The following PTPN20 variants were observed in gnomAD, a reference collection of about 807,000 sequenced individuals.
PTPN20 encodes tyrosine-protein phosphatase non-receptor type 20.
In PTPN20, 9 loss-of-function variants were observed where a neutral mutation model predicts 35.0. The ratio of observed to expected loss-of-function variants is 0.26; its 90% CI spans 0.15 to 0.45. PTPN20 has a LOEUF of 0.45. PTPN20 is among the 20% of genes least tolerant of loss of function. The probability of loss-of-function intolerance (pLI) is 1.00; values close to 1 mark genes in which losing one functional copy is unlikely to be tolerated. For synonymous variants in PTPN20, 32 were observed against 100.2 expected, an observed-to-expected ratio of 0.32 and a Z score of 4.06; for missense variants, 111 against 312.5, an observed-to-expected ratio of 0.36 and a Z score of 4.86.
At chr10:46,923,787 G>A (rs2036215901) in intron 1 of PTPN20, among the ~76,000 whole-genome samples, 1 of 150,652 alleles carries the variant, frequency 6.6e-6, no homozygotes, top group Admixed American at 6.6e-5. Context: ...GGGAAGAATT[G>A]AGGTCTTAAA....
At position 46,984,389 on chromosome 10, in the gene PTPN20, C is replaced by A; in HGVS notation, c.743C>A (p.Ser248Ter). 1 of 1,611,878 alleles carries A rather than the reference C, an allele frequency of 6.2e-7. No homozygotes were observed. The highest frequency in any genetic ancestry group is 8.5e-7 in the Non-Finnish European group (1 of 1,179,816). ...TGGCAAATGGTGTTGGAAAATAATTCAAATGTTATTGCCATGATAACCAGA... is the reference window on the plus strand; with the variant it reads ...TGGCAAATGGTGTTGGAAAATAATTAAAATGTTATTGCCATGATAACCAGA... The part of the protein sequence containing the change: ...DFWQMVLENN[S>*]NVIAMITREI... Residue 248 changes from serine to a stop codon, truncating the protein, a stop_gained, in exon 8 of 11, where the codon TCA (serine) becomes TAA (stop). Transcript: ENST00000374339. LOFTEE classifies it high-confidence loss of function.
chr10:46,954,588 C>A (rs1427064605), intron 5 of PTPN20, among the ~76,000 whole-genome samples: 10 of 145,182 alleles, frequency 6.9e-5, no homozygotes, highest in South Asian at 2.2e-4. Flanking sequence ...CTTATCTTAA[C>A]TGATCACCTC....
intron 5 of PTPN20, among the ~76,000 whole-genome samples, chr10:46,951,258 GC>G (rs1463145604): frequency 3.9e-5 from 6 of 152,118 alleles, no homozygotes; most frequent in Non-Finnish European, 7.3e-5. Context: ...CTCCCAAAGT[GC>G]TGGGATTACA....
intron 5 of PTPN20, among the ~76,000 whole-genome samples, chr10:46,949,613 T>C (rs1334092620): frequency 4.7e-5 from 7 of 150,248 alleles, no homozygotes; most frequent in Non-Finnish European, 1.0e-4. Flanking sequence ...ACTAGCTTTC[T>C]ATATTTAGGC....
At chr10:46,948,035 A>G (rs2045520313) in intron 5 of PTPN20, 28 of 421,462 alleles carry the variant, frequency 6.6e-5, no homozygotes, top group South Asian at 4.9e-4. Flanking sequence ...TACTAACATT[A>G]TTTGTTGCTT....
At chr10:47,003,355 A>G (rs1189855370), downstream of PTPN20, among the ~76,000 whole-genome samples, 4 of 152,100 alleles carry the variant, frequency 2.6e-5, no homozygotes, top group Admixed American at 2.6e-4. Flanking sequence ...GTATTGCTCC[A>G]GAGTTATCTA....
Position 46,931,644 on chromosome 10 carries a change from C to T in PTPN20, c.-123-733C>T, listed in dbSNP as rs541532608. 5.2e-4 allele frequency among the ~76,000 whole-genome samples: 75 copies of T among 143,426 alleles called. 14 individuals carry two copies. The highest frequency in any genetic ancestry group is 2.1e-3 in the African/African-American group (72 of 34,594). 94.1% of individuals were successfully genotyped at this position (143,426 alleles called of 152,430 possible). ...TCAAGCGATCCTCCTGCCTTGGCCT[C>T]CCAAAGTGCTAGGATTGTAGGCATG... On this transcript the variant is annotated intron_variant, in intron 1 of 10. Coordinates refer to ENST00000374339, the MANE Select transcript of PTPN20 (RefSeq NM_001042357.5).
Position 46,968,688 on chromosome 10 carries a change from T to C in PTPN20, c.583+641T>C, listed in dbSNP as rs1459598443. On this transcript the variant is annotated intron_variant, in intron 7 of 10. Transcript: ENST00000374339. ...TCCATAACTCACATTCCTTTCAAAG[T>C]CAAAGTTTTTCAAAACTAAATTTAC... 6.5e-3 allele frequency among the ~76,000 whole-genome samples: 984 copies of C among 151,718 alleles called. 3 individuals are homozygous for C. Among genetic ancestry groups the C allele is most frequent in the Middle Eastern group, 0.031 (9 of 288 alleles).
intron 9 of PTPN20, among the ~76,000 whole-genome samples, chr10:46,999,375 G>C (rs1226241858): frequency 2.6e-5 from 4 of 152,134 alleles, no homozygotes; most frequent in Admixed American, 2.6e-4. Context: ...ATTGCCATAA[G>C]AGTTTCTGAG....
At chr10:46,979,959 T>C (rs2054830192) in intron 7 of PTPN20, among the ~76,000 whole-genome samples, 1 of 151,068 alleles carries the variant, frequency 6.6e-6, no homozygotes, top group African/African-American at 2.4e-5. Context: ...TTCCACAGGA[T>C]ATTACAGAGG....
chr10:46,926,334 G>A (rs2037361123), intron 1 of PTPN20, among the ~76,000 whole-genome samples: 1 of 151,690 alleles, frequency 6.6e-6, no homozygotes. Context: ...TTTATATTAA[G>A]AAGATATTAG....
Position 46,951,587 on chromosome 10 carries a change from T to C in PTPN20, c.340+4912T>C, listed in dbSNP as rs1589514928. On this transcript the variant is annotated intron_variant, in intron 5 of 10. Coordinates refer to ENST00000374339, the MANE Select transcript of PTPN20 (RefSeq NM_001042357.5). ...CAGAATTTTTATTCACTTATTTTGC[T>C]TAGATCACGAATCTATCTGCAGTTT... 6.6e-5 allele frequency among the ~76,000 whole-genome samples: 10 copies of C among 152,234 alleles called. No homozygotes were observed. In the South Asian group the frequency reaches 1.9e-3, roughly 28 times the overall value.
Position 47,001,644 on chromosome 10 carries a change from T to G in PTPN20, c.*903T>G, listed in dbSNP as rs1468302777. On this transcript the variant is annotated 3_prime_UTR_variant, in exon 11 of 11. Transcript: ENST00000374339. Reference sequence around the variant, plus strand: ...CTCATGTTTGATGTATTTTTCAAACTAAGATCTATGATAGTTTTTTTTCCA... The same window carrying G: ...CTCATGTTTGATGTATTTTTCAAACGAAGATCTATGATAGTTTTTTTTCCA... 1.3e-5 allele frequency: 2 copies of G among 152,194 alleles called. No individual in the cohort carries two copies. Among genetic ancestry groups the G allele is most frequent in the African/African-American group, 2.4e-5 (1 of 41,464 alleles). 9.4% of individuals were successfully genotyped at this position (152,194 alleles called of 1,614,324 possible).
chr10:46,992,404 T>A lies in PTPN20; in HGVS notation c.1134+4849T>A, dbSNP rs919697658. On this transcript the variant is annotated intron_variant, in intron 9 of 10. Coordinates refer to ENST00000374339, the MANE Select transcript of PTPN20 (RefSeq NM_001042357.5). Reference sequence around the variant, plus strand: ...TCCCAAAGTGCTGGGATCATAGGCATGAGCCACCACCCCTGGCCCGAAATT... The same window carrying A: ...TCCCAAAGTGCTGGGATCATAGGCAAGAGCCACCACCCCTGGCCCGAAATT... Among the ~76,000 whole-genome samples, 15 of 152,292 alleles carry A rather than the reference T, an allele frequency of 9.8e-5. 1 individual carries two copies. Among genetic ancestry groups the A allele is most frequent in the South Asian group, 2.1e-4 (1 of 4,826 alleles).
chr10:46,945,719 G>C (rs1240486713), intron 4 of PTPN20, among the ~76,000 whole-genome samples: 1 of 151,702 alleles, frequency 6.6e-6, no homozygotes, highest in Non-Finnish European at 1.5e-5. Context: ...CAAGAGCCAA[G>C]TTAATAGCAT....
chr10:46,993,925 G>T (rs1281659174), intron 9 of PTPN20, among the ~76,000 whole-genome samples: 1 of 152,104 alleles, frequency 6.6e-6, no homozygotes, highest in African/African-American at 2.4e-5. Flanking sequence ...TGTGTATGTG[G>T]TTTTTTGTAT....
rs1159067465 is a variant in PTPN20 at position 47,000,825 on chromosome 10, G to T, written c.*84G>T. On this transcript the variant is annotated 3_prime_UTR_variant, in exon 11 of 11. Transcript: ENST00000374339. ...AGAACATGTTTGCACTGTGCTGAAG[G>T]GCTTTGCTATGCATACAATCTGCTT... 4.6e-6 allele frequency: 7 copies of T among 1,530,054 alleles called. No homozygotes were observed. Among genetic ancestry groups the T allele is most frequent in the South Asian group, 4.5e-5 (4 of 89,254 alleles). 94.8% of individuals were successfully genotyped at this position (1,530,054 alleles called of 1,614,324 possible).
Position 47,000,865 on chromosome 10 carries a change from T to C in PTPN20, c.*124T>C. 2 of 1,262,134 alleles carry C rather than the reference T, an allele frequency of 1.6e-6. No homozygotes were observed. Among genetic ancestry groups the C allele is most frequent in the South Asian group, 1.2e-5 (1 of 82,618 alleles). The allele number at this position is 1,262,134 out of a possible 1,614,324, so 78.2% of individuals were successfully genotyped here. A position where few individuals can be genotyped will look rare whatever the true frequency, so the allele number is the denominator to read the frequency against. On this transcript the variant is annotated 3_prime_UTR_variant, in exon 11 of 11. Coordinates refer to ENST00000374339, the MANE Select transcript of PTPN20 (RefSeq NM_001042357.5). ...ACAATCTGCTTTCTTGGTTTATCAGTTTATTTTCTTTCTAAAAGCTCCCTG... is the reference window on the plus strand; with the variant it reads ...ACAATCTGCTTTCTTGGTTTATCAGCTTATTTTCTTTCTAAAAGCTCCCTG...
At chr10:46,930,294 A>G (rs1305379123) in intron 1 of PTPN20, among the ~76,000 whole-genome samples, 1 of 114,738 alleles carries the variant, frequency 8.7e-6, no homozygotes, top group African/African-American at 4.3e-5. Flanking sequence ...TTATTTGTGG[A>G]ATGCAAGATA....
Sources: gnomAD v4.1 joint callset for allele counts (sites outside exome capture counted in the v4.1 genomes callset) on GRCh38, gnomAD v4.1.1 for gene constraint, MANE v1.5 for transcripts, NCBI Gene and HGNC (gene_info 2026-07-23, HGNC 2026-07-21) for gene names.